The following CCSER1 variants were observed in gnomAD, a reference collection of about 807,000 sequenced individuals.
CCSER1 encodes the protein serine-rich coiled-coil domain-containing protein 1.
A neutral mutation model predicts 82.0 loss-of-function variants in CCSER1; 41 were observed. That is an observed-to-expected ratio of 0.50 (90% CI 0.39 to 0.65). CCSER1 has a LOEUF of 0.65. Ranked by LOEUF, CCSER1 falls within the 30% of genes least tolerant of loss-of-function variation. CCSER1 has a pLI of 0.00. For missense variants in CCSER1, 1,119 were observed against 1,064.2 expected, an observed-to-expected ratio of 1.05 and a Z score of -0.72; for synonymous variants, 414 against 383.9, an observed-to-expected ratio of 1.08 and a Z score of -0.92.
chr4:90,944,062 C>T (rs1023710126), intron 9 of CCSER1, among the ~76,000 whole-genome samples: 3 of 151,450 alleles, frequency 2.0e-5, no homozygotes, highest in African/African-American at 7.3e-5. Context: ...GGTGAAACCC[C>T]GTCGCTACTA....
chr4:90,411,278 G>A (rs945831133), intron 4 of CCSER1, among the ~76,000 whole-genome samples: 3 of 152,100 alleles, frequency 2.0e-5, no homozygotes, highest in East Asian at 1.9e-4. Flanking sequence ...ATTTTATGAG[G>A]CCAGCATCAT....
chr4:91,337,546 G>A (rs552166192), intron 10 of CCSER1, among the ~76,000 whole-genome samples: 19 of 152,120 alleles, frequency 1.2e-4, no homozygotes, highest in East Asian at 3.9e-4. Context: ...GCTTCTTTAC[G>A]TAACCCTTAA....
intron 9 of CCSER1, among the ~76,000 whole-genome samples, chr4:91,069,154 C>T (rs1721166959): frequency 6.6e-6 from 1 of 151,842 alleles, no homozygotes. Context: ...CAGAGTGAGA[C>T]ATCATCTCAA....
intron 10 of CCSER1, among the ~76,000 whole-genome samples, chr4:91,184,739 T>A (rs955890761): frequency 3.3e-5 from 5 of 152,208 alleles, no homozygotes; most frequent in African/African-American, 1.2e-4. Flanking sequence ...GGCAGGAACT[T>A]TGTTTTTCCC....
chr4:90,567,307 A>ATTTTT (rs34947960), intron 5 of CCSER1, among the ~76,000 whole-genome samples: 58 of 138,730 alleles, frequency 4.2e-4, no homozygotes, highest in African/African-American at 1.4e-3. Flanking sequence ...TTGTCTCTGG[A>ATTTTT]TTTTTTTTTT....
intron 10 of CCSER1, among the ~76,000 whole-genome samples, chr4:91,227,886 A>G (rs1351450322): frequency 6.6e-6 from 1 of 152,038 alleles, no homozygotes; most frequent in Admixed American, 6.6e-5. Context: ...CCTCTGTGTC[A>G]AAAAGTGCAG....
At chr4:90,458,014 G>T (rs138812892) in intron 4 of CCSER1, among the ~76,000 whole-genome samples, 1,969 of 152,256 alleles carry the variant, frequency 0.013, 17 homozygotes, top group South Asian at 0.022. Context: ...ACCCAGCAGG[G>T]TCATGGCCGT....
intron 1 of CCSER1, among the ~76,000 whole-genome samples, chr4:90,195,123 C>T (rs1736352736): frequency 6.6e-6 from 1 of 152,020 alleles, no homozygotes; most frequent in African/African-American, 2.4e-5. Flanking sequence ...GAACTGAAAG[C>T]TTGTATTCAC....
intron 4 of CCSER1, among the ~76,000 whole-genome samples, chr4:90,408,495 C>T (rs1235384829): frequency 6.6e-6 from 1 of 152,198 alleles, no homozygotes; most frequent in Non-Finnish European, 1.5e-5. Context: ...TGTTCTGCAG[C>T]CACCACTGCT....
chr4:91,156,844 T>G (rs2148966631), intron 10 of CCSER1, among the ~76,000 whole-genome samples: 1 of 152,064 alleles, frequency 6.6e-6, no homozygotes, highest in Middle Eastern at 3.4e-3. Context: ...GTATTTTGGG[T>G]TATTATTCCT....
intron 7 of CCSER1, among the ~76,000 whole-genome samples, chr4:90,745,935 C>T (rs1395520510): frequency 1.3e-5 from 2 of 151,834 alleles, no homozygotes; most frequent in Admixed American, 6.6e-5. Flanking sequence ...CTCCTGACCT[C>T]GTGATCTGCC....
chr4:90,569,953 T>C (rs565773489), intron 5 of CCSER1, among the ~76,000 whole-genome samples: 1 of 152,240 alleles, frequency 6.6e-6, no homozygotes, highest in African/African-American at 2.4e-5. Context: ...TGGAGGCAGT[T>C]TGCCCCTCAG....
intron 1 of CCSER1, among the ~76,000 whole-genome samples, chr4:90,296,598 T>C (rs1178328734): frequency 6.6e-6 from 1 of 152,050 alleles, no homozygotes; most frequent in Non-Finnish European, 1.5e-5. Context: ...AATGCCTAGG[T>C]TTTCTTCTAG....
chr4:91,561,054 A>T (rs997624592), intron 10 of CCSER1, among the ~76,000 whole-genome samples: 1 of 151,416 alleles, frequency 6.6e-6, no homozygotes, highest in African/African-American at 2.4e-5. Flanking sequence ...TAAAGCTTTA[A>T]AATTCCAAGT....
intron 10 of CCSER1, among the ~76,000 whole-genome samples, chr4:91,544,958 A>C (rs1468113575): frequency 1.3e-5 from 2 of 152,072 alleles, no homozygotes; most frequent in Admixed American, 6.5e-5. Flanking sequence ...GGCTCCATCC[A>C]GTTCGAGCTT....
intron 8 of CCSER1, among the ~76,000 whole-genome samples, chr4:90,896,537 C>T (rs1296515461): frequency 6.6e-6 from 1 of 151,712 alleles, no homozygotes; most frequent in Non-Finnish European, 1.5e-5. Context: ...GTATAATAGA[C>T]AAATCAGATA....
chr4:90,333,422 A>C (rs1164395576), intron 3 of CCSER1, among the ~76,000 whole-genome samples: 1 of 152,216 alleles, frequency 6.6e-6, no homozygotes, highest in Non-Finnish European at 1.5e-5. Context: ...AACACAAAAC[A>C]AACAAAACGA....
At chr4:90,415,766 G>A (rs1013867304) in intron 4 of CCSER1, among the ~76,000 whole-genome samples, 21 of 152,182 alleles carry the variant, frequency 1.4e-4, no homozygotes, top group African/African-American at 4.3e-4. Context: ...GATTATCTTC[G>A]TAGTGGCAGA....
chr4:90,641,868 G>T, intron 6 of CCSER1: 1 of 253,064 alleles, frequency 4.0e-6, no homozygotes, highest in Non-Finnish European at 8.8e-6. Context: ...TAATCTATTT[G>T]TGTTATTATC....
Sources: gnomAD v4.1 joint callset for allele counts (sites outside exome capture counted in the v4.1 genomes callset) on GRCh38, gnomAD v4.1.1 for gene constraint, MANE v1.5 for transcripts, NCBI Gene and HGNC (gene_info 2026-07-23, HGNC 2026-07-21) for gene names.